The following XKR4 variants were observed in gnomAD, a reference collection of about 807,000 sequenced individuals.
The protein encoded by XKR4 is XK related 4, also known as XK-related protein 4.
Under a neutral mutation model 53.9 loss-of-function variants are expected in XKR4, and 12 were observed. That is an observed-to-expected ratio of 0.22 (90% CI 0.14 to 0.36). The LOEUF (loss-of-function observed/expected upper bound fraction) is 0.36, where lower values mean the gene tolerates loss of function less well. XKR4 is among the 10% of genes least tolerant of loss of function. XKR4 has a pLI of 1.00. For synonymous variants in XKR4, 354 were observed against 362.4 expected, an observed-to-expected ratio of 0.98 and a Z score of 0.26; for missense variants, 799 against 859.5, an observed-to-expected ratio of 0.93 and a Z score of 0.88.
chr8:55,449,893 G>A, intron 2 of XKR4: 1 of 904,144 alleles, frequency 1.1e-6, no homozygotes, highest in Non-Finnish European at 1.8e-6. Context: ...GCCGCAGGCA[G>A]CCTGGCGGGA....
chr8:55,479,857 TGACTCTCTGAATA>T (rs1806070329), intron 2 of XKR4, among the ~76,000 whole-genome samples: 2 of 151,726 alleles, frequency 1.3e-5, no homozygotes, highest in South Asian at 4.2e-4. Context: ...AAGAAGAAGT[TGACTCTCTGAATA>T]GACCAATAAC....
At chr8:55,463,665 C>CA (rs1364704374) in intron 2 of XKR4, among the ~76,000 whole-genome samples, 3 of 151,816 alleles carry the variant, frequency 2.0e-5, no homozygotes, top group African/African-American at 2.4e-5. Flanking sequence ...AAAAACTGTT[C>CA]AAAAAATCAA....
chr8:55,256,260 A>G (rs34099631), intron 1 of XKR4, among the ~76,000 whole-genome samples: 23,309 of 152,196 alleles, frequency 0.15, 2,158 homozygotes, highest in Non-Finnish European at 0.21. Flanking sequence ...GATCTTATTG[A>G]AGAACTTGAA....
intron 2 of XKR4, among the ~76,000 whole-genome samples, chr8:55,361,848 C>T (rs763669096): frequency 1.2e-4 from 19 of 152,102 alleles, no homozygotes; most frequent in Non-Finnish European, 2.4e-4. Flanking sequence ...AGAATATTCT[C>T]GTCCCCTCAC....
At chr8:55,291,902 T>C (rs1368925091) in intron 1 of XKR4, among the ~76,000 whole-genome samples, 3 of 152,174 alleles carry the variant, frequency 2.0e-5, no homozygotes, top group Admixed American at 6.5e-5. Context: ...TAAATGAATG[T>C]AGAATTTTGT....
intron 1 of XKR4, among the ~76,000 whole-genome samples, chr8:55,162,595 T>C (rs1413097157): frequency 6.6e-6 from 1 of 152,232 alleles, no homozygotes; most frequent in Non-Finnish European, 1.5e-5. Context: ...GATATTATTG[T>C]TAATGATTGT....
intron 2 of XKR4, among the ~76,000 whole-genome samples, chr8:55,492,260 C>G (rs1036296224): frequency 7.2e-5 from 11 of 152,056 alleles, no homozygotes; most frequent in Admixed American, 7.2e-4. Flanking sequence ...AAATTCAGAA[C>G]CGGATAATTT....
At chr8:55,292,893 A>G (rs768754991) in intron 1 of XKR4, among the ~76,000 whole-genome samples, 10 of 152,070 alleles carry the variant, frequency 6.6e-5, no homozygotes, top group Admixed American at 2.0e-4. Flanking sequence ...TCTTTGGTCC[A>G]TGGGTTACTT....
chr8:55,135,375 G>A (rs542179640), intron 1 of XKR4: 1 of 273,696 alleles, frequency 3.7e-6, no homozygotes, highest in African/African-American at 2.2e-5. Flanking sequence ...CTTCTATTTA[G>A]AGCAGATCTT....
intron 1 of XKR4, among the ~76,000 whole-genome samples, chr8:55,240,874 G>C (rs1205285607): frequency 6.6e-6 from 1 of 152,182 alleles, no homozygotes; most frequent in Non-Finnish European, 1.5e-5. Flanking sequence ...TCCAATATGA[G>C]AGACCGTCCT....
intron 1 of XKR4, among the ~76,000 whole-genome samples, chr8:55,247,265 T>C (rs1447627316): frequency 6.6e-6 from 1 of 152,208 alleles, no homozygotes. Flanking sequence ...GAAAGTTTCC[T>C]ATAATCATCT....
intron 2 of XKR4, among the ~76,000 whole-genome samples, chr8:55,446,914 ATGTATGTTTAT>A (rs1224221260): frequency 6.6e-6 from 1 of 152,326 alleles, no homozygotes; most frequent in East Asian, 1.9e-4. Flanking sequence ...CCTGCCCCAA[ATGTATGTTTAT>A]TGTCAAAAAC....
intron 1 of XKR4, among the ~76,000 whole-genome samples, chr8:55,184,211 C>T (rs2129360161): frequency 6.6e-6 from 1 of 152,216 alleles, no homozygotes; most frequent in East Asian, 1.9e-4. Flanking sequence ...ACCTTTCTGA[C>T]CCCAGATGCA....
intron 1 of XKR4, among the ~76,000 whole-genome samples, chr8:55,211,335 G>A (rs544098421): frequency 2.0e-5 from 3 of 152,126 alleles, no homozygotes; most frequent in Non-Finnish European, 4.4e-5. Flanking sequence ...AAATTTCATT[G>A]TCCCCCCTTT....
intron 1 of XKR4, among the ~76,000 whole-genome samples, chr8:55,324,971 A>T (rs1409707170): frequency 1.3e-5 from 2 of 151,780 alleles, no homozygotes; most frequent in South Asian, 4.2e-4. Context: ...TGATTGTTTA[A>T]TGTATATCTA....
chr8:55,114,415 T>C (rs923932992), intron 1 of XKR4, among the ~76,000 whole-genome samples: 6 of 152,130 alleles, frequency 3.9e-5, no homozygotes, highest in African/African-American at 1.2e-4. Flanking sequence ...GGTCAGCAGT[T>C]TGTGCATGTT....
intron 2 of XKR4, among the ~76,000 whole-genome samples, chr8:55,491,995 T>C (rs1247923441): frequency 1.3e-5 from 2 of 152,206 alleles, no homozygotes; most frequent in African/African-American, 2.4e-5. Context: ...TCCGGTATTC[T>C]TCCCCACAAA....
intron 2 of XKR4, among the ~76,000 whole-genome samples, chr8:55,378,578 G>A (rs1161991335): frequency 1.3e-5 from 2 of 152,152 alleles, no homozygotes; most frequent in African/African-American, 4.8e-5. Flanking sequence ...GGAGGAAGAA[G>A]TTTCATAGAC....
chr8:55,511,693 C>A (rs551992504), intron 2 of XKR4, among the ~76,000 whole-genome samples: 1 of 152,164 alleles, frequency 6.6e-6, no homozygotes, highest in Non-Finnish European at 1.5e-5. Context: ...TTGCATAGGC[C>A]TTTAAGCCAA....
Sources: gnomAD v4.1 joint callset for allele counts (sites outside exome capture counted in the v4.1 genomes callset) on GRCh38, gnomAD v4.1.1 for gene constraint, MANE v1.5 for transcripts, NCBI Gene and HGNC (gene_info 2026-07-23, HGNC 2026-07-21) for gene names.